Variants in ZNF532 observed in about 807,000 individuals in gnomAD.
ZNF532 encodes zinc finger protein 532.
In ZNF532, 22 loss-of-function variants were observed where a neutral mutation model predicts 89.3. The ratio of observed to expected loss-of-function variants is 0.25; its 90% CI spans 0.18 to 0.35. ZNF532 has a LOEUF of 0.35. ZNF532 is among the 10% of genes least tolerant of loss of function. The pLI is 1.00. For synonymous variants in ZNF532, 606 were observed against 649.6 expected, an observed-to-expected ratio of 0.93 and a Z score of 1.02; for missense variants, 1,132 against 1,643.4, an observed-to-expected ratio of 0.69 and a Z score of 5.38.
At chr18:58,894,186 C>T (rs760792188) in intron 2 of ZNF532, among the ~76,000 whole-genome samples, 2 of 152,066 alleles carry the variant, frequency 1.3e-5, no homozygotes, top group African/African-American at 4.8e-5. Context: ...ACTTTCCGGC[C>T]GGGCGTGGTG....
At chr18:58,925,285 A>G (rs555253036) in intron 3 of ZNF532, among the ~76,000 whole-genome samples, 1 of 152,254 alleles carries the variant, frequency 6.6e-6, no homozygotes, top group Non-Finnish European at 1.5e-5. Flanking sequence ...TGGTGCTGTT[A>G]CCATATTTTA....
intron 5 of ZNF532, among the ~76,000 whole-genome samples, chr18:58,940,979 C>G (rs1316027941): frequency 2.0e-5 from 3 of 149,784 alleles, no homozygotes; most frequent in Non-Finnish European, 3.0e-5. Flanking sequence ...CTCTCTCTCT[C>G]TCTCTCTCTC....
intron 2 of ZNF532, among the ~76,000 whole-genome samples, chr18:58,908,535 A>C (rs1190669881): frequency 6.6e-6 from 1 of 152,238 alleles, no homozygotes; most frequent in Admixed American, 6.5e-5. Context: ...AGAAAAAAAT[A>C]AACATTCAAA....
At chr18:58,925,276 G>A (rs1336403087) in intron 3 of ZNF532, among the ~76,000 whole-genome samples, 1 of 152,108 alleles carries the variant, frequency 6.6e-6, no homozygotes, top group Non-Finnish European at 1.5e-5. Flanking sequence ...TCCAGCATTT[G>A]GTGCTGTTAC....
chr18:58,932,592 C>G (rs1206688766), intron 3 of ZNF532: 1 of 152,174 alleles, frequency 6.6e-6, no homozygotes, highest in Non-Finnish European at 1.5e-5. Flanking sequence ...CCCCACCCCA[C>G]TCCTCGATTC....
chr18:58,978,935 TCA>T, intron 7 of ZNF532, 118 bp from the exon 8 acceptor site: 1 of 744,888 alleles, frequency 1.3e-6, no homozygotes, highest in Non-Finnish European at 2.3e-6. Context: ...ATGTCAACCC[TCA>T]GTTTTGGATT....
Position 58,918,852 on chromosome 18 carries a change from C to T in ZNF532, c.565C>T (p.Leu189Phe). Residue 189 changes from leucine to phenylalanine, a missense_variant, in exon 3 of 10, where the codon CTC (leucine) becomes TTC (phenylalanine). Physicochemically the swap from Leu to Phe is conservative, Grantham distance 22. This residue lies in a region of ZNF532 where 302 missense variants were observed against 319.8 expected (regional missense o/e 0.94). Coordinates refer to ENST00000591808, the MANE Select transcript of ZNF532 (RefSeq NM_001375912.1). ...LGGENSSKTG[L>F]STSGNVEKNK... is the part of the protein sequence containing the mutation. ...AGGGGAAAACTCCAGCAAAACTGGA[C>T]TCTCTACGTCAGGCAATGTGGAGAA... The T allele has an allele frequency of 6.2e-7, 1 of 1,614,170 alleles. No homozygotes were observed. Among genetic ancestry groups the T allele is most frequent in the South Asian group, 1.1e-5 (1 of 91,080 alleles).
In ZNF532 at chr18:58,888,723, AT is replaced by A. The variant is rs1157426328; in HGVS notation, c.-18+23145del. Among the ~76,000 whole-genome samples the A allele has an allele frequency of 8.4e-3, 308 of 36,766 alleles. 14 individuals are homozygous for A. Among genetic ancestry groups the A allele is most frequent in the African/African-American group, 0.02 (138 of 6,738 alleles). 24.1% of individuals were successfully genotyped at this position (36,766 alleles called of 152,430 possible). ...TATATATATATATATATATATATAT[AT>A]AAATTATATATATATATTTTATATA... On this transcript the variant is annotated intron_variant, in intron 2 of 9. Coordinates refer to ENST00000591808, the MANE Select transcript of ZNF532 (RefSeq NM_001375912.1).
chr18:58,867,812 C>T (rs193164996), intron 2 of ZNF532, among the ~76,000 whole-genome samples: 135 of 152,320 alleles, frequency 8.9e-4, no homozygotes, highest in African/African-American at 3.2e-3. Flanking sequence ...TGTTAAAGAA[C>T]ACTGGAGCCA....
chr18:58,976,118 T>TC (rs2067019265), intron 7 of ZNF532, among the ~76,000 whole-genome samples: 1 of 152,336 alleles, frequency 6.6e-6, no homozygotes, highest in Non-Finnish European at 1.5e-5. Flanking sequence ...GTCTGTTAGG[T>TC]AATGTGACCA....
intron 5 of ZNF532, 72 bp downstream of exon 5, chr18:58,939,693 C>G: frequency 1.4e-6 from 2 of 1,420,100 alleles, no homozygotes; most frequent in South Asian, 1.4e-5. Flanking sequence ...AGTAGTCGTT[C>G]TATTGAATAA....
intron 3 of ZNF532, among the ~76,000 whole-genome samples, chr18:58,923,392 A>G (rs1328024123): frequency 6.6e-6 from 1 of 151,548 alleles, no homozygotes. Context: ...CTCAGACCCA[A>G]GAGGGGAGTG....
intron 7 of ZNF532, among the ~76,000 whole-genome samples, chr18:58,965,511 G>C (rs1241819688): frequency 6.6e-6 from 1 of 152,212 alleles, no homozygotes; most frequent in African/African-American, 2.4e-5. Flanking sequence ...TTTCAATATA[G>C]ATGTGGGACA....
At chr18:58,946,208 T>G (rs886381264) in intron 5 of ZNF532, among the ~76,000 whole-genome samples, 1 of 152,152 alleles carries the variant, frequency 6.6e-6, no homozygotes, top group Admixed American at 6.5e-5. Flanking sequence ...TTCTATCTTG[T>G]TATCTTCTGT....
In ZNF532 at chr18:58,919,689, T is replaced by C. The variant is rs2060884362; in HGVS notation, c.1402T>C (p.Leu468=). The C allele has an allele frequency of 2.5e-6, 4 of 1,613,586 alleles. No individual in the cohort carries two copies. Among genetic ancestry groups the C allele is most frequent in the Non-Finnish European group, 3.4e-6 (4 of 1,179,838 alleles). Residue 468 remains leucine (L), a synonymous_variant, in exon 3 of 10, where the codon TTG becomes CTG. Transcript: ENST00000591808. This position sits in a 1 kb window ranked among gnomAD's most constrained non-coding sequence, Gnocchi z 6.1. ...GACGGCAGGATCCCAAGTCATTAAT[T>C]TGAAGCTCGCTAACAACACCACGGT... ...VKTAGSQVIN[L]KLANNTTVKA... is the part of the protein sequence containing the mutation.
chr18:58,883,102 G>A (rs2058048117), intron 2 of ZNF532, among the ~76,000 whole-genome samples: 1 of 152,178 alleles, frequency 6.6e-6, no homozygotes, highest in South Asian at 2.1e-4. Flanking sequence ...AGGGCCTTGT[G>A]AGGAAGACTC....
intron 2 of ZNF532, among the ~76,000 whole-genome samples, chr18:58,880,763 C>CTGTGTGTGTGTGTGTGTGTGTGT (rs770638520): frequency 0.055 from 6,603 of 119,182 alleles, 349 homozygotes; most frequent in Middle Eastern, 0.091. Flanking sequence ...CGCGCGCGCA[C>CTGTGTGTGTGTGTGTGTGTGTGT]GCGCGCGCGT....
At chr18:58,973,083 T>C (rs534025514) in intron 7 of ZNF532, among the ~76,000 whole-genome samples, 78 of 152,316 alleles carry the variant, frequency 5.1e-4, no homozygotes, top group African/African-American at 1.8e-3. Context: ...AGTTGGTGTT[T>C]TACCTACTAA....
At chr18:58,925,852 A>G (rs147777223) in intron 3 of ZNF532, among the ~76,000 whole-genome samples, 164 of 152,296 alleles carry the variant, frequency 1.1e-3, no homozygotes, top group Middle Eastern at 0.01. Context: ...AGATGCTGTC[A>G]TCCTCCAATG....
Sources: allele counts gnomAD v4.1 joint callset (sites outside exome capture counted in the v4.1 genomes callset), GRCh38; gene constraint gnomAD v4.1.1; regional missense constraint gnomAD v4.1.1; non-coding constraint Gnocchi (gnomAD v3.1); transcripts MANE v1.5; gene names NCBI Gene and HGNC (gene_info 2026-07-23, HGNC 2026-07-21).